SPINK5: variants seen among roughly 807,000 people sequenced by gnomAD.
SPINK5 encodes the protein serine peptidase inhibitor Kazal type 5.
Under a neutral mutation model 151.8 loss-of-function variants are expected in SPINK5, and 125 were observed. The observed-to-expected ratio is 0.82, with a 90% CI of 0.71 to 0.96. SPINK5 has a LOEUF of 0.96. Ranked by LOEUF, SPINK5 falls within the 40% of genes least tolerant of loss-of-function variation. The pLI is 0.00. For missense variants in SPINK5, 1,194 were observed against 1,291.9 expected (o/e 0.92, Z 1.16); for synonymous variants, 374 against 395.3 (o/e 0.95, Z 0.64).
chr5:148,069,084 G>A (rs1379804422), intron 2 of SPINK5, among the ~76,000 whole-genome samples: 1 of 152,044 alleles, frequency 6.6e-6, no homozygotes, highest in Non-Finnish European at 1.5e-5. Context: ...CTGGGCGATA[G>A]AGCAAGACTC....
rs1312921503 is a variant in SPINK5, at chr5:148,099,309, A to G, written c.1086A>G (p.Ser362=). 2 of 1,611,866 alleles carry G rather than the reference A, an allele frequency of 1.2e-6. No homozygotes were observed. The highest frequency in any genetic ancestry group is 2.7e-5 in the African/African-American group (2 of 74,826). Residue 362 remains serine (S), a synonymous_variant, in exon 12 of 33, where the codon TCA becomes TCG. Coordinates refer to ENST00000256084, the MANE Select transcript of SPINK5 (RefSeq NM_006846.4). ...AAAGAGAATCTGGAAAAGCAACCTC[A>G]TATGCAGTGAGTGGAATCCATCCAA... is the stretch of plus-strand genomic sequence containing the variant. The part of the protein sequence containing the change: ...RNKRESGKAT[S]YAELCSEYRK...
intron 16 of SPINK5, 151 bp downstream of exon 16, chr5:148,105,151 A>G (rs963951689): frequency 2.4e-6 from 2 of 836,572 alleles, no homozygotes; most frequent in East Asian, 5.5e-5. Context: ...AAGGGTCCTG[A>G]TAAGAAGTGT....
chr5:148,080,903 G>A (rs568980602), intron 4 of SPINK5, among the ~76,000 whole-genome samples: 1 of 151,670 alleles, frequency 6.6e-6, no homozygotes, highest in South Asian at 2.1e-4. Flanking sequence ...TAGCAGGTAA[G>A]GACTTAAATC....
intron 26 of SPINK5, among the ~76,000 whole-genome samples, chr5:148,122,466 T>C (rs11745592): frequency 0.56 from 85,330 of 152,022 alleles, 24,668 homozygotes; most frequent in Admixed American, 0.65. Flanking sequence ...TTTAAGGTAA[T>C]GTTTCCATAT....
At position 148,081,047 on chromosome 5, in the gene SPINK5, T is replaced by A. The variant is rs534100343; in HGVS notation, c.283-5358T>A. On this transcript the variant is annotated intron_variant, in intron 4 of 32. Transcript: ENST00000256084. ...GCAACACCGTTATTATTTAGGCAAATGCTAATTAAAACCACAATGGTGTAT... is the reference window on the plus strand; with the variant it reads ...GCAACACCGTTATTATTTAGGCAAAAGCTAATTAAAACCACAATGGTGTAT... 2.0e-5 allele frequency among the ~76,000 whole-genome samples: 3 copies of A among 151,678 alleles called. No individual in the cohort carries two copies. The South Asian group carries it at 6.2e-4, about 31-fold the overall frequency.
intron 22 of SPINK5, 27 bp from the exon 23 acceptor site, chr5:148,118,410 G>T: frequency 5.6e-6 from 9 of 1,613,716 alleles, no homozygotes; most frequent in Non-Finnish European, 7.6e-6. Context: ...AGTAATCCAG[G>T]GGCTCTTCGT....
At chr5:148,090,524 G>A (rs1336687572) in intron 7 of SPINK5, 1 of 151,556 alleles carries the variant, frequency 6.6e-6, no homozygotes, top group East Asian at 2.0e-4. Context: ...GTGAAAAGGG[G>A]AATTTGACCT....
At chr5:148,097,371 C>T (rs982232920) in intron 10 of SPINK5, among the ~76,000 whole-genome samples, 1 of 151,912 alleles carries the variant, frequency 6.6e-6, no homozygotes, top group Non-Finnish European at 1.5e-5. Flanking sequence ...ATTATTTAGC[C>T]ACTATATTCA....
chr5:148,124,238 C>T (rs574128548), intron 27 of SPINK5, among the ~76,000 whole-genome samples: 1 of 152,226 alleles, frequency 6.6e-6, no homozygotes, highest in South Asian at 2.1e-4. Context: ...CTCAGTTCCT[C>T]CTGAGGGAAA....
At chr5:148,080,992 T>C (rs1753004505) in intron 4 of SPINK5, among the ~76,000 whole-genome samples, 1 of 151,574 alleles carries the variant, frequency 6.6e-6, no homozygotes, top group Non-Finnish European at 1.5e-5. Flanking sequence ...CAAAGATATA[T>C]GAATGGCTAA....
chr5:148,072,309 A>G, intron 4 of SPINK5, 89 bp downstream of exon 4: 2 of 1,409,516 alleles, frequency 1.4e-6, no homozygotes, highest in African/African-American at 2.8e-5. Context: ...TTACTAGGTC[A>G]TACCTGTTTT....
At chr5:148,134,629 AC>A (rs1243695903) in intron 32 of SPINK5, among the ~76,000 whole-genome samples, 2 of 152,108 alleles carry the variant, frequency 1.3e-5, no homozygotes, top group African/African-American at 4.8e-5. Context: ...AATTAATGTC[AC>A]TATTATTATT....
At chr5:148,103,891 T>C (rs1753712830) in intron 15 of SPINK5, among the ~76,000 whole-genome samples, 1 of 152,210 alleles carries the variant, frequency 6.6e-6, no homozygotes, top group African/African-American at 2.4e-5. Context: ...AATTTTTTTC[T>C]ACATTTTGAA....
In SPINK5 at chr5:148,101,914, T is replaced by C; in HGVS notation, c.1430+6T>C. The C allele has an allele frequency of 6.2e-7, 1 of 1,613,436 alleles. No individual in the cohort carries two copies. Among genetic ancestry groups the C allele is most frequent in the Non-Finnish European group, 8.5e-7 (1 of 1,179,528 alleles). ...TCCATGTGTGAGGCCTTCTTGTGAG[T>C]AGAGCAGTAGCCCCATAGCGTCTGA... On this transcript the variant is annotated splice_donor_region_variant and intron_variant, in intron 15 of 32. Transcript: ENST00000256084.
At chr5:148,088,835 T>A (rs957026925) in intron 6 of SPINK5, among the ~76,000 whole-genome samples, 2 of 146,492 alleles carry the variant, frequency 1.4e-5, no homozygotes, top group Non-Finnish European at 1.5e-5. Flanking sequence ...CTGCTTTGTA[T>A]AAAAAAAAAA....
Position 148,097,968 on chromosome 5 carries a change from C to A in SPINK5, c.984C>A (p.Asn328Lys). ...IRGPDGKMHG[N>K]LCSMCQAYFQ... The stretch of plus-strand genomic sequence containing the variant: ...GTCCAGATGGGAAAATGCATGGCAA[C>A]TTGTGTTCCATGTGTCAAGCCTACT... The change falls in exon 11 of 33, where the codon AAC becomes AAA. Residue 328 changes from asparagine (N) to lysine (K), a missense_variant. By Grantham distance (94) the Asn-to-Lys change is moderately conservative. Coordinates refer to ENST00000256084, the MANE Select transcript of SPINK5 (RefSeq NM_006846.4). 6.2e-7 allele frequency: 1 copy of A among 1,612,050 alleles called. No individual in the cohort carries two copies.
At chr5:148,099,352 T>C (rs746950371) in intron 12 of SPINK5, 37 bp downstream of exon 12, 1 of 1,588,422 alleles carries the variant, frequency 6.3e-7, no homozygotes, top group South Asian at 1.1e-5. Context: ...TATTTGGTGC[T>C]ATAATTTGAA....
In SPINK5 at chr5:148,111,457, C is replaced by T. The variant is rs541758975; in HGVS notation, c.1693-311C>T. Among the ~76,000 whole-genome samples the T allele has an allele frequency of 3.9e-5, 6 of 152,284 alleles. No individual in the cohort carries two copies. The South Asian group carries it at 6.2e-4, about 16-fold the overall frequency. On this transcript the variant is annotated intron_variant, in intron 18 of 32. Coordinates refer to ENST00000256084, the MANE Select transcript of SPINK5 (RefSeq NM_006846.4). ...TAAGACTTAGACGTATTTGGTGGAACGGTATTATTCTGTATACCACAGATT... is the reference window on the plus strand; with the variant it reads ...TAAGACTTAGACGTATTTGGTGGAATGGTATTATTCTGTATACCACAGATT...
At chr5:148,129,725 A>G (rs1272007507) in intron 30 of SPINK5, among the ~76,000 whole-genome samples, 2 of 152,202 alleles carry the variant, frequency 1.3e-5, no homozygotes, top group African/African-American at 4.8e-5. Flanking sequence ...ATCATTTATC[A>G]AAACAAAGGA....
Sources: allele counts gnomAD v4.1 joint callset (sites outside exome capture counted in the v4.1 genomes callset), GRCh38; gene constraint gnomAD v4.1.1; transcripts MANE v1.5; gene names NCBI Gene and HGNC (gene_info 2026-07-23, HGNC 2026-07-21).